STOX2: variants seen among roughly 807,000 people sequenced by gnomAD.
STOX2 encodes the protein storkhead-box protein 2.
Under a neutral mutation model 60.9 loss-of-function variants are expected in STOX2, and 28 were observed. That is an observed-to-expected ratio of 0.46 (90% CI 0.34 to 0.63). STOX2 has a LOEUF of 0.63. Among genes scored for constraint, STOX2 ranks in the 30% least tolerant of loss-of-function variants. The pLI is 0.01. For synonymous variants in STOX2, 472 were observed against 463.9 expected, an observed-to-expected ratio of 1.02 and a Z score of -0.22; for missense variants, 1,024 against 1,187.7, an observed-to-expected ratio of 0.86 and a Z score of 2.03.
rs562507587 is a variant in STOX2 at position 183,859,568 on chromosome 4, G to C, written c.364+61513G>C. ...TGTGGCTTGGCATGACAGAGGCGGC[G>C]GGGCCAGGGTATGAACAGGCTTACG... is the stretch of plus-strand genomic sequence containing the variant. On this transcript the variant is annotated intron_variant, in intron 1 of 2. Coordinates refer to the STOX2 transcript ENST00000513034. Among the ~76,000 whole-genome samples, 7 of 152,340 alleles carry C rather than the reference G, an allele frequency of 4.6e-5. No homozygotes were observed. In the South Asian group the frequency reaches 1.2e-3, roughly 27 times the overall value.
At chr4:183,855,255 G>A (rs1740259477) in intron 1 of STOX2, among the ~76,000 whole-genome samples, 1 of 152,188 alleles carries the variant, frequency 6.6e-6, no homozygotes, top group Non-Finnish European at 1.5e-5. Flanking sequence ...GTGTGTATTT[G>A]TGTCTCTTCT....
At chr4:183,903,072 G>A (rs1418368341), upstream of STOX2, among the ~76,000 whole-genome samples, 5 of 152,122 alleles carry the variant, frequency 3.3e-5, no homozygotes, top group Non-Finnish European at 5.9e-5. Context: ...CTCTCCCTTC[G>A]AACAGATTCC....
At chr4:183,798,296 G>T (rs555985467) in intron 1 of STOX2, among the ~76,000 whole-genome samples, 1 of 151,058 alleles carries the variant, frequency 6.6e-6, no homozygotes, top group Non-Finnish European at 1.5e-5. Flanking sequence ...GCCTGCCCGC[G>T]GGAGCCTCCC....
At chr4:183,887,562 G>A (rs895048755) in intron 1 of STOX2, among the ~76,000 whole-genome samples, 4 of 152,116 alleles carry the variant, frequency 2.6e-5, no homozygotes, top group Non-Finnish European at 4.4e-5. Context: ...CCTGCTGAGC[G>A]CCCTGCATGC....
At chr4:183,963,818 C>G (rs867843463) in intron 1 of STOX2, among the ~76,000 whole-genome samples, 19 of 151,450 alleles carry the variant, frequency 1.3e-4, no homozygotes, top group South Asian at 4.2e-4. Flanking sequence ...CTCTGTCACC[C>G]AGGCTGGAGT....
chr4:183,993,648 CT>C (rs1165609744), intron 1 of STOX2, among the ~76,000 whole-genome samples: 1 of 152,194 alleles, frequency 6.6e-6, no homozygotes, highest in Non-Finnish European at 1.5e-5. Context: ...TCTAAAATTC[CT>C]TTTTTATGCT....
intron 1 of STOX2, among the ~76,000 whole-genome samples, chr4:183,883,180 T>G (rs183284050): frequency 5.9e-4 from 90 of 152,264 alleles, no homozygotes; most frequent in African/African-American, 2.1e-3. Flanking sequence ...TATTAATTCA[T>G]CCATAAATAT....
chr4:183,983,450 G>C (rs146666959), intron 1 of STOX2, among the ~76,000 whole-genome samples: 1 of 152,234 alleles, frequency 6.6e-6, no homozygotes, highest in African/African-American at 2.4e-5. Flanking sequence ...GTTTTGAGTC[G>C]AAAGGAGGTT....
intron 1 of STOX2, among the ~76,000 whole-genome samples, chr4:183,978,854 A>G (rs763434657): frequency 1.3e-5 from 2 of 152,202 alleles, no homozygotes; most frequent in Non-Finnish European, 2.9e-5. Context: ...GCAATTCCAT[A>G]TCTGATTCTA....
chr4:183,855,500 G>C (rs998871320), intron 1 of STOX2, among the ~76,000 whole-genome samples: 1 of 152,112 alleles, frequency 6.6e-6, no homozygotes, highest in South Asian at 2.1e-4. Flanking sequence ...CCTTTTCCTG[G>C]AAAGTGTAAC....
At chr4:183,941,551 G>T (rs1479794648) in intron 1 of STOX2, among the ~76,000 whole-genome samples, 1 of 152,160 alleles carries the variant, frequency 6.6e-6, no homozygotes, top group African/African-American at 2.4e-5. Context: ...CTGGGCAACA[G>T]AGCAAGACTC....
At chr4:184,004,465 T>C (rs1733736285) in intron 2 of STOX2, among the ~76,000 whole-genome samples, 1 of 152,110 alleles carries the variant, frequency 6.6e-6, no homozygotes, top group South Asian at 2.1e-4. Flanking sequence ...CCGGGCTTGG[T>C]GGCGGGCGCC....
intron 1 of STOX2, among the ~76,000 whole-genome samples, chr4:183,805,100 C>G (rs546480354): frequency 6.6e-6 from 1 of 152,076 alleles, no homozygotes; most frequent in South Asian, 2.1e-4. Flanking sequence ...CGGGAAAGTT[C>G]GTTATATACA....
intron 1 of STOX2, among the ~76,000 whole-genome samples, chr4:183,848,340 C>T (rs1740032738): frequency 6.6e-6 from 1 of 152,150 alleles, no homozygotes; most frequent in East Asian, 1.9e-4. Context: ...CCAGATAGCA[C>T]CTCTGCATTC....
At chr4:184,008,938 T>G (rs1579544439) in intron 2 of STOX2, among the ~76,000 whole-genome samples, 1 of 152,196 alleles carries the variant, frequency 6.6e-6, no homozygotes, top group African/African-American at 2.4e-5. Context: ...CATCTCTGTC[T>G]TCCCAGCTTT....
At chr4:183,831,877 C>T (rs1458552920) in intron 1 of STOX2, among the ~76,000 whole-genome samples, 3 of 152,152 alleles carry the variant, frequency 2.0e-5, no homozygotes, top group Non-Finnish European at 4.4e-5. Flanking sequence ...CTTTTCTCTC[C>T]TGGGACAGCT....
intron 1 of STOX2, among the ~76,000 whole-genome samples, chr4:183,855,972 G>A (rs993291969): frequency 3.3e-5 from 5 of 152,176 alleles, no homozygotes; most frequent in Non-Finnish European, 4.4e-5. Context: ...AGCTGCTCTG[G>A]TTTGGGTCAG....
At chr4:183,992,735 A>C (rs915661803) in intron 1 of STOX2, among the ~76,000 whole-genome samples, 1 of 152,238 alleles carries the variant, frequency 6.6e-6, no homozygotes, top group Non-Finnish European at 1.5e-5. Flanking sequence ...GGACTGGAGC[A>C]CAAGTGGCAG....
In STOX2 at chr4:184,023,507, T is replaced by G. The variant is rs1229535891; in HGVS notation, c.*6223T>G. The G allele has an allele frequency of 2.6e-5, 4 of 152,232 alleles. No homozygotes were observed. The highest frequency in any genetic ancestry group is 9.6e-5 in the African/African-American group (4 of 41,462). The allele number at this position is 152,232 out of a possible 1,614,324, so 9.4% of individuals were successfully genotyped here. The stretch of plus-strand genomic sequence containing the variant: ...TTGGATTGTGTTACTTTTTAAGATA[T>G]TAAATAACATTTGGTTATATGTCTT... On this transcript the variant is annotated 3_prime_UTR_variant, in exon 4 of 4. Coordinates refer to ENST00000308497, the MANE Select transcript of STOX2 (RefSeq NM_020225.3).
Sources: gnomAD v4.1 joint callset for allele counts (sites outside exome capture counted in the v4.1 genomes callset) on GRCh38, gnomAD v4.1.1 for gene constraint, MANE v1.5 for transcripts, NCBI Gene and HGNC (gene_info 2026-07-23, HGNC 2026-07-21) for gene names.